Variants in TIAM1 observed in about 807,000 individuals in gnomAD.
TIAM1 encodes TIAM Rac1 associated GEF 1.
A neutral mutation model predicts 163.5 loss-of-function variants in TIAM1; 65 were observed. That is an observed-to-expected ratio of 0.40 (90% CI 0.33 to 0.49). The LOEUF (loss-of-function observed/expected upper bound fraction) is 0.49. TIAM1 is among the 20% of genes least tolerant of loss of function. The probability of loss-of-function intolerance (pLI) is 0.77; values close to 1 mark genes in which losing one functional copy is unlikely to be tolerated. For synonymous variants in TIAM1, 833 were observed against 810.1 expected, an observed-to-expected ratio of 1.03 and a Z score of -0.48; for missense variants, 1,789 against 2,044.7, an observed-to-expected ratio of 0.87 and a Z score of 2.41.
At chr21:31,286,226 C>G (rs141968747) in intron 2 of TIAM1, among the ~76,000 whole-genome samples, 1 of 152,192 alleles carries the variant, frequency 6.6e-6, no homozygotes, top group African/African-American at 2.4e-5. Flanking sequence ...CATCGCAGTG[C>G]AGCAAAGAAT....
At chr21:31,434,933 A>C (rs899691644) in intron 2 of TIAM1, among the ~76,000 whole-genome samples, 2 of 152,244 alleles carry the variant, frequency 1.3e-5, no homozygotes, top group Non-Finnish European at 1.5e-5. Flanking sequence ...TTAATTACTT[A>C]GTAAACGAAT....
At chr21:31,169,719 T>A (rs1256435726) in intron 15 of TIAM1, among the ~76,000 whole-genome samples, 2 of 151,838 alleles carry the variant, frequency 1.3e-5, no homozygotes, top group Non-Finnish European at 2.9e-5. Flanking sequence ...CACAGGTAAG[T>A]CTTAGTATAT....
At chr21:31,191,390 A>AAC (rs1484795730) in intron 13 of TIAM1, among the ~76,000 whole-genome samples, 1 of 152,076 alleles carries the variant, frequency 6.6e-6, no homozygotes, top group Non-Finnish European at 1.5e-5. Context: ...TCTTGACCTC[A>AAC]TGATCTGCCC....
In TIAM1 at chr21:31,255,568, C is replaced by T. The variant is rs533174895; in HGVS notation, c.964-3379G>A. ...CTATCCCAGAAGCACCTGTAAACCTCCCCAGTCTTCCCAGCAGTGAGGAAT... is the reference window on the plus strand; with the variant it reads ...CTATCCCAGAAGCACCTGTAAACCTTCCCAGTCTTCCCAGCAGTGAGGAAT... On this transcript the variant is annotated intron_variant, in intron 4 of 27. Transcript: ENST00000541036. 5.9e-5 allele frequency among the ~76,000 whole-genome samples: 9 copies of T among 152,328 alleles called. No homozygotes were observed. The East Asian group carries it at 1.7e-3, about 29-fold the overall frequency.
At position 31,222,701 on chromosome 21, in the gene TIAM1, ATATATATTTTTTTTTTTTTTTT is replaced by A. The variant is rs1313558103; in HGVS notation, c.1995+683_1995+704del. ...CATATATATATATATATATATATAT[ATATATATTTTTTTTTTTTTTTT>A]TTTTTTTTTTTTGAGACAGAGTCTC... On this transcript the variant is annotated intron_variant, in intron 8 of 27. Transcript: ENST00000541036. Among the ~76,000 whole-genome samples, 37 of 46,424 alleles carry A rather than the reference ATATATATTTTTTTTTTTTTTTT, an allele frequency of 8.0e-4. 1 individual carries two copies. The highest frequency in any genetic ancestry group is 3.9e-3 in the African/African-American group (37 of 9,428). The allele number at this position is 46,424 out of a possible 152,430, so 30.5% of individuals were successfully genotyped here.
At chr21:31,273,902 A>G (rs1287655410) in intron 3 of TIAM1, among the ~76,000 whole-genome samples, 1 of 152,248 alleles carries the variant, frequency 6.6e-6, no homozygotes, top group Admixed American at 6.5e-5. Flanking sequence ...CAAGATCATT[A>G]TGAACATCAA....
At chr21:31,269,460 G>A (rs1402650155) in intron 3 of TIAM1, among the ~76,000 whole-genome samples, 2 of 152,174 alleles carry the variant, frequency 1.3e-5, no homozygotes, top group African/African-American at 2.4e-5. Flanking sequence ...AGTTTCTAGG[G>A]ATTGCTGAAA....
intron 1 of TIAM1, among the ~76,000 whole-genome samples, chr21:31,530,242 A>G (rs1420591464): frequency 2.0e-5 from 3 of 152,216 alleles, no homozygotes; most frequent in African/African-American, 7.2e-5. Context: ...TCATCGATCT[A>G]CCTGAAAGTT....
intron 12 of TIAM1, 90 bp downstream of exon 12, chr21:31,202,818 C>G (rs2086268434): frequency 2.4e-6 from 3 of 1,264,528 alleles, no homozygotes; most frequent in African/African-American, 3.0e-5. Flanking sequence ...TGAACTCGTT[C>G]CACTCCACCA....
At chr21:31,226,673 G>A (rs1441504441) in intron 6 of TIAM1, among the ~76,000 whole-genome samples, 2 of 152,130 alleles carry the variant, frequency 1.3e-5, no homozygotes, top group East Asian at 1.9e-4. Flanking sequence ...CAGCACATGT[G>A]ATAACTCGCT....
chr21:31,142,059 C>T (rs2082871684), intron 20 of TIAM1, among the ~76,000 whole-genome samples: 1 of 152,130 alleles, frequency 6.6e-6, no homozygotes, highest in African/African-American at 2.4e-5. Flanking sequence ...TCCCCAGTTC[C>T]TTCCCTCAGA....
chr21:31,466,858 T>G (rs982945648), intron 1 of TIAM1, among the ~76,000 whole-genome samples: 2 of 152,104 alleles, frequency 1.3e-5, no homozygotes, highest in African/African-American at 4.8e-5. Flanking sequence ...TAATGCCATG[T>G]GAGCAATTTA....
In TIAM1 at chr21:31,146,422, A is replaced by C. The variant is rs1395753747; in HGVS notation, c.3475+473T>G. Among the ~76,000 whole-genome samples the C allele has an allele frequency of 1.4e-3, 212 of 146,314 alleles. 1 individual carries two copies. Among genetic ancestry groups the C allele is most frequent in the African/African-American group, 4.7e-3 (187 of 39,430 alleles). On this transcript the variant is annotated intron_variant, in intron 20 of 27. Coordinates refer to ENST00000541036, the MANE Select transcript of TIAM1 (RefSeq NM_001353694.2). ...CTGTGTCAAAAAAAAAAAAAAAAAA[A>C]AAACAAGGCAGGGAGCAGTGGCTCA... is the stretch of plus-strand genomic sequence containing the variant.
intron 3 of TIAM1, 69 bp downstream of exon 3, chr21:31,276,663 C>G (rs1305421118): frequency 1.3e-5 from 2 of 152,226 alleles, no homozygotes; most frequent in African/African-American, 4.8e-5. Flanking sequence ...GTATCTGTCC[C>G]ACCACCTTTG....
intron 19 of TIAM1, among the ~76,000 whole-genome samples, chr21:31,151,416 A>G (rs536271300): frequency 6.6e-6 from 1 of 152,344 alleles, no homozygotes; most frequent in Non-Finnish European, 1.5e-5. Flanking sequence ...ACACAGCAAT[A>G]TGGACGGATC....
chr21:31,526,278 G>A (rs976702341), intron 1 of TIAM1, among the ~76,000 whole-genome samples: 1 of 152,180 alleles, frequency 6.6e-6, no homozygotes, highest in African/African-American at 2.4e-5. Context: ...CAGGGAAGAT[G>A]GAAGGCAGCG....
upstream of TIAM1, among the ~76,000 whole-genome samples, chr21:31,348,971 C>T (rs1259286265): frequency 6.6e-6 from 1 of 152,056 alleles, no homozygotes; most frequent in South Asian, 2.1e-4. Flanking sequence ...CAGGGCCAGC[C>T]AAAAAGAGGC....
intron 6 of TIAM1, among the ~76,000 whole-genome samples, chr21:31,231,136 G>A: frequency 6.6e-6 from 1 of 151,294 alleles, no homozygotes; most frequent in Non-Finnish European, 1.5e-5. Flanking sequence ...GGTCACAGAA[G>A]CACTGTGTCA....
chr21:31,418,607 C>T (rs1288211736), intron 2 of TIAM1, among the ~76,000 whole-genome samples: 1 of 152,050 alleles, frequency 6.6e-6, no homozygotes, highest in Non-Finnish European at 1.5e-5. Context: ...TTTTTCAGGC[C>T]AACTCCACAG....
Sources: gnomAD v4.1 joint callset for allele counts (sites outside exome capture counted in the v4.1 genomes callset) on GRCh38, gnomAD v4.1.1 for gene constraint, MANE v1.5 for transcripts, NCBI Gene and HGNC (gene_info 2026-07-23, HGNC 2026-07-21) for gene names.